Variants in KIF2A observed in about 807,000 individuals in gnomAD.
The protein encoded by KIF2A is kinesin-like protein KIF2A.
In KIF2A, 22 loss-of-function variants were observed where a neutral mutation model predicts 100.2. That is an observed-to-expected ratio of 0.22 (90% CI 0.16 to 0.31). The LOEUF is 0.31. Among genes scored for constraint, KIF2A ranks in the 10% least tolerant of loss-of-function variants. KIF2A has a pLI of 1.00. For missense variants in KIF2A, 495 were observed against 898.7 expected, an observed-to-expected ratio of 0.55 and a Z score of 5.74; for synonymous variants, 268 against 285.9, an observed-to-expected ratio of 0.94 and a Z score of 0.63.
At position 62,357,038 on chromosome 5, in the gene KIF2A, A is replaced by C. The variant is rs181957875; in HGVS notation, c.655-653A>C. Among the ~76,000 whole-genome samples the C allele has an allele frequency of 4.0e-5, 6 of 151,542 alleles. No homozygotes were observed. The East Asian group carries it at 7.8e-4, about 20-fold the overall frequency. Reference sequence around the variant, plus strand: ...TGACCTCAAGTGATCCACCCACCTTAGCCTCCCAAAGTGCTGGGATTACCC... The same window carrying C: ...TGACCTCAAGTGATCCACCCACCTTCGCCTCCCAAAGTGCTGGGATTACCC... On this transcript the variant is annotated intron_variant, in intron 7 of 20. Transcript: ENST00000407818.
chr5:62,345,517 G>T (rs1461806784), intron 1 of KIF2A, among the ~76,000 whole-genome samples: 1 of 151,782 alleles, frequency 6.6e-6, no homozygotes, highest in Non-Finnish European at 1.5e-5. Flanking sequence ...TAGAAGGTAG[G>T]TCGGGCACAG....
rs956243105 is a variant in KIF2A, at chr5:62,358,243, A to G, written c.816A>G (p.Gln272=). The change falls in exon 9 of 21, where the codon CAA becomes CAG. Residue 272 remains glutamine (Q), a synonymous_variant. Transcript: ENST00000407818. ...KVDLTRYLEN[Q]TFRFDYAFDD... is the part of the protein sequence containing the mutation. ...ATTTAACAAGGTACCTAGAAAACCAAACATTTCGTTTTGATTATGCCTTTG... is the reference window on the plus strand; with the variant it reads ...ATTTAACAAGGTACCTAGAAAACCAGACATTTCGTTTTGATTATGCCTTTG... 2 of 1,603,876 alleles carry G rather than the reference A, an allele frequency of 1.2e-6. No individual in the cohort carries two copies. Among genetic ancestry groups the G allele is most frequent in the Non-Finnish European group, 1.7e-6 (2 of 1,176,714 alleles).
chr5:62,347,280 A>T, intron 2 of KIF2A, 56 bp downstream of exon 2: 1 of 900,644 alleles, frequency 1.1e-6, no homozygotes, highest in African/African-American at 1.7e-5. Flanking sequence ...TTCTGAATAT[A>T]AAACAAAACA....
rs1742075202 is a variant in KIF2A, at chr5:62,387,253, A to C, written c.*1684A>C. 1 of 152,172 alleles carries C rather than the reference A, an allele frequency of 6.6e-6. No homozygotes were observed. Among genetic ancestry groups the C allele is most frequent in the Non-Finnish European group, 1.5e-5 (1 of 68,024 alleles). The allele number at this position is 152,172 out of a possible 1,614,324, so 9.4% of individuals were successfully genotyped here. The stretch of plus-strand genomic sequence containing the variant: ...ACTCAGGTTTTCTTGCAGCTGTAAG[A>C]TATATTCTATTTGTGTTTATTTCAA... On this transcript the variant is annotated 3_prime_UTR_variant, in exon 21 of 21. Coordinates refer to ENST00000407818, the MANE Select transcript of KIF2A (RefSeq NM_001098511.3).
At chr5:62,380,667 A>C (rs546870447) in intron 19 of KIF2A, among the ~76,000 whole-genome samples, 1 of 152,366 alleles carries the variant, frequency 6.6e-6, no homozygotes, top group East Asian at 1.9e-4. Context: ...TATTCTTACC[A>C]CAAAGTAAGC....
In KIF2A at chr5:62,361,302, T is replaced by A; in HGVS notation, c.933T>A (p.Ala311=). The A allele has an allele frequency of 6.2e-7, 1 of 1,608,854 alleles. No individual in the cohort carries two copies. The highest frequency in any genetic ancestry group is 8.5e-7 in the Non-Finnish European group (1 of 1,176,760). ...IFERGMATCF[A]YGQTGSGKTH... The stretch of plus-strand genomic sequence containing the variant: ...AAAGGGGAATGGCTACATGCTTTGC[T>A]TATGGGCAGACTGGAAGTGGAAAAA... Residue 311 remains alanine (A), a synonymous_variant, in exon 10 of 21, where the codon GCT becomes GCA. Coordinates refer to ENST00000407818, the MANE Select transcript of KIF2A (RefSeq NM_001098511.3).
intron 1 of KIF2A, 135 bp from the exon 2 acceptor site, chr5:62,346,995 G>A (rs1747602514): frequency 1.7e-6 from 1 of 582,296 alleles, no homozygotes; most frequent in Non-Finnish European, 3.1e-6. Context: ...GTTCCTGAGG[G>A]TCTGTGGAAA....
At chr5:62,350,169 G>A in intron 4 of KIF2A, 49 bp downstream of exon 4, 3 of 1,045,942 alleles carry the variant, frequency 2.9e-6, no homozygotes, top group Non-Finnish European at 4.2e-6. Flanking sequence ...TTCTTAGTAT[G>A]TTCCTGACAA....
intron 1 of KIF2A, among the ~76,000 whole-genome samples, chr5:62,339,532 C>CCTTT (rs1232369659): frequency 1.4e-5 from 2 of 141,698 alleles, no homozygotes; most frequent in East Asian, 4.6e-4. Context: ...TTCTGTATTT[C>CCTTT]TTCTCTTATT....
rs1262961955 is a variant in KIF2A, at chr5:62,352,627, AAC to A, written c.376_377del (p.Gln126ValfsTer9). ...CGTGCACGGCCCAGTCAATTTCCTG[AAC>A]AGTCTTCCTCTGCACAACAGAATGG... On this transcript the variant is annotated frameshift_variant, in exon 5 of 21. Coordinates refer to ENST00000407818, the MANE Select transcript of KIF2A (RefSeq NM_001098511.3). LOFTEE classifies it high-confidence loss of function. The A allele has an allele frequency of 6.2e-7, 1 of 1,602,140 alleles. No individual in the cohort carries two copies. The highest frequency in any genetic ancestry group is 1.7e-5 in the Admixed American group (1 of 57,938).
At chr5:62,322,600 G>A (rs1746153606) in intron 1 of KIF2A, among the ~76,000 whole-genome samples, 1 of 152,112 alleles carries the variant, frequency 6.6e-6, no homozygotes, top group Non-Finnish European at 1.5e-5. Flanking sequence ...CAGCAAATAT[G>A]CTGCAAGTCT....
intron 1 of KIF2A, among the ~76,000 whole-genome samples, chr5:62,330,881 C>T (rs1027120693): frequency 5.3e-5 from 8 of 152,016 alleles, no homozygotes; most frequent in South Asian, 2.1e-4. Flanking sequence ...TATGAATCAC[C>T]GGTGACTACT....
intron 1 of KIF2A, among the ~76,000 whole-genome samples, chr5:62,341,766 A>G (rs1297289711): frequency 6.6e-6 from 1 of 151,946 alleles, no homozygotes; most frequent in East Asian, 1.9e-4. Context: ...CCTTGCCTAG[A>G]AGGGTGGGAA....
At chr5:62,315,130 T>G (rs1315850449) in intron 1 of KIF2A, among the ~76,000 whole-genome samples, 2 of 151,962 alleles carry the variant, frequency 1.3e-5, no homozygotes, top group Non-Finnish European at 2.9e-5. Flanking sequence ...TGGTGTCATG[T>G]TGGTGCTCAA....
intron 19 of KIF2A, 33 bp downstream of exon 19, chr5:62,377,795 T>TTA: frequency 2.7e-6 from 3 of 1,127,100 alleles, no homozygotes; most frequent in Non-Finnish European, 3.8e-6. Flanking sequence ...TTCAAAATAT[T>TTA]TCTTGAGATA....
chr5:62,363,612 T>C (rs1049113576), intron 13 of KIF2A, 83 bp from the exon 14 acceptor site: 89 of 1,227,670 alleles, frequency 7.2e-5, no homozygotes, highest in Non-Finnish European at 1.0e-4. Context: ...TTTTTGCTGC[T>C]GTTGTTTTTA....
chr5:62,383,970 C>T (rs940538876), intron 20 of KIF2A, among the ~76,000 whole-genome samples: 2 of 152,032 alleles, frequency 1.3e-5, no homozygotes, highest in Admixed American at 6.6e-5. Context: ...AAATTTGGGC[C>T]AGACACCTGT....
At chr5:62,345,509 G>T (rs369711777) in intron 1 of KIF2A, among the ~76,000 whole-genome samples, 2 of 118,196 alleles carry the variant, frequency 1.7e-5, no homozygotes, top group African/African-American at 3.5e-5. Flanking sequence ...AGAAAAAATA[G>T]AAGGTAGGTC....
Position 62,385,443 on chromosome 5 carries a change from G to A in KIF2A, c.2150-41G>A, listed in dbSNP as rs186577920. The A allele has an allele frequency of 2.9e-4, 400 of 1,390,834 alleles. 4 individuals are homozygous for A. In the African/African-American group the frequency reaches 5.4e-3, roughly 19 times the overall value. 86.2% of individuals were successfully genotyped at this position (1,390,834 alleles called of 1,614,324 possible). ...ATAAAGTTGTAAACTCTTACTGCGT[G>A]TAATACAATACTTATTCCCTCTTTC... On this transcript the variant is annotated intron_variant, in intron 20 of 20. Coordinates refer to ENST00000407818, the MANE Select transcript of KIF2A (RefSeq NM_001098511.3).
Sources: gnomAD v4.1 joint callset for allele counts (sites outside exome capture counted in the v4.1 genomes callset) on GRCh38, gnomAD v4.1.1 for gene constraint, MANE v1.5 for transcripts, NCBI Gene and HGNC (gene_info 2026-07-23, HGNC 2026-07-21) for gene names.